Variants in ANXA10 observed in about 807,000 individuals in gnomAD.
ANXA10 encodes the protein annexin A10.
A neutral mutation model predicts 53.5 loss-of-function variants in ANXA10; 49 were observed. The observed-to-expected ratio is 0.92, with a 90% CI of 0.73 to 1.16. The LOEUF (loss-of-function observed/expected upper bound fraction) is 1.16. Ranked by LOEUF, ANXA10 falls within the 50% of genes most tolerant of loss-of-function variation. ANXA10 has a pLI of 0.00. For missense variants in ANXA10, 393 were observed against 394.4 expected, an observed-to-expected ratio of 1.00 and a Z score of 0.03; for synonymous variants, 131 against 128.9, an observed-to-expected ratio of 1.02 and a Z score of -0.11.
intron 1 of ANXA10, among the ~76,000 whole-genome samples, chr4:168,093,584 A>G (rs997519176): frequency 6.6e-6 from 1 of 152,154 alleles, no homozygotes; most frequent in Non-Finnish European, 1.5e-5. Context: ...GACTGAGGCA[A>G]GAGAATGGCG....
At position 168,179,279 on chromosome 4, in the gene ANXA10, G is replaced by A; in HGVS notation, c.691G>A (p.Asp231Asn). Residue 231 changes from aspartate (D) to asparagine (N), a missense_variant, in exon 9 of 12, where the codon GAT (aspartate) becomes AAT (asparagine). Coordinates refer to ENST00000359299, the MANE Select transcript of ANXA10 (RefSeq NM_007193.5). ...GGTAGATGCCATTAATGAATGTTAT[G>A]ATGGATACTTTCAGGAGCTGCTGGT... is the stretch of plus-strand genomic sequence containing the variant. ...DMVDAINECYDGYFQELLVAI... is the reference protein window; with the variant it reads ...DMVDAINECYNGYFQELLVAI... The A allele has an allele frequency of 5.0e-6, 8 of 1,611,870 alleles. No homozygotes were observed. The highest frequency in any genetic ancestry group is 5.9e-6 in the Non-Finnish European group (7 of 1,178,970).
At chr4:168,171,118 C>G (rs760848570) in intron 6 of ANXA10, among the ~76,000 whole-genome samples, 2 of 152,134 alleles carry the variant, frequency 1.3e-5, no homozygotes, top group African/African-American at 2.4e-5. Context: ...AAAAGTCCAT[C>G]ACTTCTCTTG....
chr4:168,133,210 T>C (rs1457282734), intron 2 of ANXA10, among the ~76,000 whole-genome samples: 2 of 152,042 alleles, frequency 1.3e-5, no homozygotes, highest in Non-Finnish European at 1.5e-5. Context: ...AAAGAAGTAT[T>C]CAAGAAAAAA....
intron 1 of ANXA10, among the ~76,000 whole-genome samples, chr4:168,107,582 T>C (rs1227711436): frequency 1.3e-5 from 2 of 152,174 alleles, no homozygotes; most frequent in Non-Finnish European, 2.9e-5. Context: ...TAGGCTACTA[T>C]AACAAAATAC....
intron 6 of ANXA10, 104 bp from the exon 7 acceptor site, chr4:168,177,636 C>T (rs1311562308): frequency 3.6e-6 from 4 of 1,123,366 alleles, no homozygotes; most frequent in Admixed American, 3.7e-5. Context: ...AAAAGAAGTT[C>T]CTTAGGAACA....
At chr4:168,184,303 G>A (rs759874725) in intron 10 of ANXA10, among the ~76,000 whole-genome samples, 2 of 152,152 alleles carry the variant, frequency 1.3e-5, no homozygotes, top group Non-Finnish European at 2.9e-5. Flanking sequence ...AGTCAAGGTC[G>A]TGGCACTGGA....
intron 11 of ANXA10, 94 bp from the exon 12 acceptor site, chr4:168,187,272 A>G (rs1732388540): frequency 2.7e-6 from 2 of 730,972 alleles, no homozygotes; most frequent in East Asian, 3.0e-5. Context: ...CTAATGGTCC[A>G]TGGCTCTTTC....
intron 1 of ANXA10, among the ~76,000 whole-genome samples, chr4:168,107,746 G>A (rs1336205037): frequency 2.0e-5 from 3 of 152,120 alleles, no homozygotes; most frequent in Non-Finnish European, 4.4e-5. Flanking sequence ...TTACACAGGG[G>A]ACAGAGACTC....
At position 168,092,602 on chromosome 4, in the gene ANXA10, A is replaced by G; in HGVS notation, c.-99A>G. 8.2e-7 allele frequency: 1 copy of G among 1,218,480 alleles called. No homozygotes were observed. The highest frequency in any genetic ancestry group is 1.2e-6 in the Non-Finnish European group (1 of 847,974). 75.5% of individuals were successfully genotyped at this position (1,218,480 alleles called of 1,614,324 possible). On this transcript the variant is annotated 5_prime_UTR_variant, in exon 1 of 12. Coordinates refer to ENST00000359299, the MANE Select transcript of ANXA10 (RefSeq NM_007193.5). ...TGAACAGTGAACATATTTACATTTG[A>G]TTTAACAGTGAACCTTAATTCTTTC...
chr4:168,182,375 G>GGCT (rs1732268261), intron 10 of ANXA10, among the ~76,000 whole-genome samples: 2 of 106,562 alleles, frequency 1.9e-5, no homozygotes. Context: ...CTGCTGCCCA[G>GGCT]GCTGGAGTGC....
chr4:168,168,651 C>A lies in ANXA10; in HGVS notation c.480+3325C>A, dbSNP rs531946813. On this transcript the variant is annotated intron_variant, in intron 6 of 11. Transcript: ENST00000359299. ...GGCCAGGATGGTCTCAATCTCTTGACCTCTTGATCCGCCCGCCTCGGCCTC... is the reference window on the plus strand; with the variant it reads ...GGCCAGGATGGTCTCAATCTCTTGAACTCTTGATCCGCCCGCCTCGGCCTC... Among the ~76,000 whole-genome samples, 29 of 152,218 alleles carry A rather than the reference C, an allele frequency of 1.9e-4. No individual in the cohort carries two copies. The East Asian group carries it at 5.4e-3, about 28-fold the overall frequency.
chr4:168,180,819 T>G (rs1361366656), intron 9 of ANXA10, among the ~76,000 whole-genome samples: 1 of 152,218 alleles, frequency 6.6e-6, no homozygotes, highest in Non-Finnish European at 1.5e-5. Context: ...TAAACACTAC[T>G]GAATGTTTAT....
At chr4:168,165,522 G>A (rs1246998623) in intron 6 of ANXA10, among the ~76,000 whole-genome samples, 196 bp downstream of exon 6, 1 of 151,680 alleles carries the variant, frequency 6.6e-6, no homozygotes, top group African/African-American at 2.4e-5. Context: ...GACAAATATG[G>A]ATAATGCCTC....
At chr4:168,121,593 CATT>C (rs1560963691) in intron 1 of ANXA10, among the ~76,000 whole-genome samples, 1 of 152,074 alleles carries the variant, frequency 6.6e-6, no homozygotes, top group Non-Finnish European at 1.5e-5. Context: ...ATTAAAAACA[CATT>C]ATCAAATAAT....
At chr4:168,134,082 C>G (rs575219911) in intron 2 of ANXA10, among the ~76,000 whole-genome samples, 1 of 151,844 alleles carries the variant, frequency 6.6e-6, no homozygotes, top group South Asian at 2.1e-4. Context: ...AAAGTAAACA[C>G]AAAAATCAGT....
chr4:168,178,294 CA>C, intron 8 of ANXA10: 1 of 312,366 alleles, frequency 3.2e-6, no homozygotes, highest in Non-Finnish European at 6.1e-6. Context: ...TGTTGTCTTG[CA>C]AAATGCATAG....
At chr4:168,171,528 T>G (rs1328143292) in intron 6 of ANXA10, among the ~76,000 whole-genome samples, 1 of 152,150 alleles carries the variant, frequency 6.6e-6, no homozygotes, top group African/African-American at 2.4e-5. Flanking sequence ...CCATTTTTTT[T>G]GAATTAATAG....
intron 1 of ANXA10, chr4:168,127,649 C>A: frequency 3.6e-6 from 1 of 277,554 alleles, no homozygotes; most frequent in South Asian, 3.1e-5. Flanking sequence ...ATAATAGATG[C>A]AAACACAGTA....
intron 1 of ANXA10, among the ~76,000 whole-genome samples, chr4:168,121,041 GT>G: frequency 6.6e-6 from 1 of 152,088 alleles, no homozygotes; most frequent in East Asian, 1.9e-4. Context: ...TAATATAAAA[GT>G]TTTTAAAAAG....
Sources: gnomAD v4.1 joint callset for allele counts (sites outside exome capture counted in the v4.1 genomes callset) on GRCh38, gnomAD v4.1.1 for gene constraint, MANE v1.5 for transcripts, NCBI Gene and HGNC (gene_info 2026-07-23, HGNC 2026-07-21) for gene names.